The following NEDD4L variants were observed in gnomAD, a reference collection of about 807,000 sequenced individuals.
NEDD4L encodes the protein NEDD4 like E3 ubiquitin protein ligase, also known as E3 ubiquitin-protein ligase NEDD4-like.
A neutral mutation model predicts 148.9 loss-of-function variants in NEDD4L; 54 were observed. That is an observed-to-expected ratio of 0.36 (90% CI 0.29 to 0.45). The LOEUF is 0.45. NEDD4L is among the 20% of genes least tolerant of loss of function. The pLI is 1.00. For missense variants in NEDD4L, 856 were observed against 1,233.8 expected, an observed-to-expected ratio of 0.69 and a Z score of 4.59; for synonymous variants, 433 against 440.7, an observed-to-expected ratio of 0.98 and a Z score of 0.22.
chr18:58,139,589 C>G (rs1431065938), intron 1 of NEDD4L, among the ~76,000 whole-genome samples: 2 of 152,248 alleles, frequency 1.3e-5, no homozygotes, highest in East Asian at 3.9e-4. Context: ...TTGACAATCC[C>G]CTAACTCCAG....
intron 2 of NEDD4L, among the ~76,000 whole-genome samples, chr18:58,196,712 T>TC (rs2040744646): frequency 3.2e-3 from 276 of 85,280 alleles, no homozygotes; most frequent in African/African-American, 0.016. Flanking sequence ...CTCTCTCTCT[T>TC]TTTTTTTTTT....
At chr18:58,243,728 A>G (rs1232862396) in intron 2 of NEDD4L, among the ~76,000 whole-genome samples, 2 of 152,208 alleles carry the variant, frequency 1.3e-5, no homozygotes, top group African/African-American at 2.4e-5. Flanking sequence ...GAGGGTGTCC[A>G]TAGAAGGAGA....
intron 5 of NEDD4L, among the ~76,000 whole-genome samples, chr18:58,309,932 T>G (rs2057491037): frequency 6.6e-6 from 1 of 152,134 alleles, no homozygotes; most frequent in Non-Finnish European, 1.5e-5. Context: ...ATTATACTGG[T>G]CTAGTTATGC....
At chr18:58,324,761 G>A (rs2059161093) in intron 8 of NEDD4L, among the ~76,000 whole-genome samples, 8 of 152,182 alleles carry the variant, frequency 5.3e-5, no homozygotes, top group Admixed American at 3.9e-4. Context: ...TCATCTTAGA[G>A]GGCAGCACAA....
intron 1 of NEDD4L, among the ~76,000 whole-genome samples, chr18:58,107,938 G>C (rs774172641): frequency 6.6e-6 from 1 of 151,876 alleles, no homozygotes; most frequent in Non-Finnish European, 1.5e-5. Flanking sequence ...TCTGCTGGTC[G>C]TGAACTCCTG....
chr18:58,210,482 C>T (rs538684185), intron 2 of NEDD4L, among the ~76,000 whole-genome samples: 1 of 152,260 alleles, frequency 6.6e-6, no homozygotes, highest in African/African-American at 2.4e-5. Context: ...GAGTTTCGCT[C>T]TTGTTGCCCA....
Position 58,077,160 on chromosome 18 carries a change from CTTTTTTTTT to C in NEDD4L, c.48+32475_48+32483del, listed in dbSNP as rs60248050. The stretch of plus-strand genomic sequence containing the variant: ...GCCACCATACCCAGCCTCATAACGG[CTTTTTTTTT>C]TTTTTTTTTTTTTTTTTTTTTTGAG... On this transcript the variant is annotated intron_variant, in intron 1 of 30. Coordinates refer to ENST00000400345, the MANE Select transcript of NEDD4L (RefSeq NM_001144967.3). Among the ~76,000 whole-genome samples the C allele has an allele frequency of 3.3e-3, 160 of 48,910 alleles. 1 individual carries two copies. The highest frequency in any genetic ancestry group is 0.011 in the African/African-American group (147 of 12,846). The allele number at this position is 48,910 out of a possible 152,430, so 32.1% of individuals were successfully genotyped here.
intron 24 of NEDD4L, among the ~76,000 whole-genome samples, chr18:58,377,677 G>A (rs1323378970): frequency 6.6e-6 from 1 of 152,128 alleles, no homozygotes; most frequent in East Asian, 1.9e-4. Context: ...CCCTTTTAGG[G>A]CTGTAACAAG....
At chr18:58,254,755 G>T (rs760374147) in intron 5 of NEDD4L, among the ~76,000 whole-genome samples, 1 of 152,128 alleles carries the variant, frequency 6.6e-6, no homozygotes, top group Non-Finnish European at 1.5e-5. Flanking sequence ...CTACACACAC[G>T]TATACACCTT....
At chr18:58,374,845 A>AAT (rs1440933419) in intron 24 of NEDD4L, among the ~76,000 whole-genome samples, 1 of 151,320 alleles carries the variant, frequency 6.6e-6, no homozygotes, top group Non-Finnish European at 1.5e-5. Flanking sequence ...TTTTTGTCTC[A>AAT]CCCTTGCTAT....
chr18:58,123,587 A>G (rs12604668), intron 1 of NEDD4L, among the ~76,000 whole-genome samples: 111,439 of 152,094 alleles, frequency 0.73, 40,937 homozygotes, highest in Admixed American at 0.78. Context: ...AAAACTGCCA[A>G]CTGGACTTGC....
At chr18:58,315,881 G>A in intron 5 of NEDD4L, 101 bp from the exon 6 acceptor site, 1 of 1,046,680 alleles carries the variant, frequency 9.6e-7, no homozygotes, top group East Asian at 2.4e-5. Context: ...TCCAGTGCCA[G>A]GCCCTGGACC....
intron 23 of NEDD4L, chr18:58,372,290 T>C (rs1333436013): frequency 2.0e-5 from 3 of 151,248 alleles, no homozygotes; most frequent in Non-Finnish European, 4.4e-5. Context: ...TTTCTTTTTT[T>C]TTTTTTGTAG....
At chr18:58,347,226 C>CCCCCCA (rs1568793163) in intron 16 of NEDD4L, among the ~76,000 whole-genome samples, 2 of 119,648 alleles carry the variant, frequency 1.7e-5, no homozygotes, top group Non-Finnish European at 3.6e-5. Flanking sequence ...CCCCCCCCCC[C>CCCCCCA]CTTTAAATCA....
intron 2 of NEDD4L, among the ~76,000 whole-genome samples, chr18:58,237,801 A>T (rs531249153): frequency 1.1e-4 from 16 of 152,326 alleles, no homozygotes; most frequent in African/African-American, 3.6e-4. Context: ...AGATGCACAT[A>T]CAGTTGCCCC....
At chr18:58,193,379 C>T (rs1476267370) in intron 2 of NEDD4L, among the ~76,000 whole-genome samples, 1 of 152,214 alleles carries the variant, frequency 6.6e-6, no homozygotes, top group Non-Finnish European at 1.5e-5. Context: ...GGCACCCTCT[C>T]CTGTCATACT....
chr18:58,235,932 C>T (rs2045957271), intron 2 of NEDD4L, among the ~76,000 whole-genome samples: 1 of 152,084 alleles, frequency 6.6e-6, no homozygotes, highest in Non-Finnish European at 1.5e-5. Context: ...ACTTGGGAGG[C>T]TGAGGCAGGA....
At chr18:58,278,566 T>C (rs2052511403) in intron 5 of NEDD4L, among the ~76,000 whole-genome samples, 1 of 152,208 alleles carries the variant, frequency 6.6e-6, no homozygotes, top group Non-Finnish European at 1.5e-5. Context: ...GTGAATCGAC[T>C]TGCATTTCCC....
chr18:58,368,015 T>A lies in NEDD4L; in HGVS notation c.2185+148T>A, dbSNP rs2046340053. On this transcript the variant is annotated intron_variant, in intron 22 of 30. Transcript: ENST00000400345. The stretch of plus-strand genomic sequence containing the variant: ...GTTTTGCCCATAATGGATGTCCTTT[T>A]CTCTGGTAGCTTATTTTGGGCACTG... The A allele has an allele frequency of 9.1e-6, 8 of 877,274 alleles. No individual in the cohort carries two copies. The Admixed American group carries it at 2.0e-4, about 22-fold the overall frequency. 54.3% of individuals were successfully genotyped at this position (877,274 alleles called of 1,614,324 possible).
Sources: allele counts gnomAD v4.1 joint callset (sites outside exome capture counted in the v4.1 genomes callset), GRCh38; gene constraint gnomAD v4.1.1; transcripts MANE v1.5; gene names NCBI Gene and HGNC (gene_info 2026-07-23, HGNC 2026-07-21).